Variants in RNF220 observed in about 807,000 individuals in gnomAD.
RNF220 encodes the protein E3 ubiquitin-protein ligase RNF220.
A neutral mutation model predicts 67.1 loss-of-function variants in RNF220; 7 were observed. The observed-to-expected ratio is 0.10, with a 90% confidence interval of 0.06 to 0.20. The LOEUF is 0.20. RNF220 is among the 10% of genes least tolerant of loss of function. The probability of loss-of-function intolerance (pLI) is 1.00; values close to 1 mark genes in which losing one functional copy is unlikely to be tolerated. For missense variants in RNF220, 565 were observed against 740.3 expected (o/e 0.76, Z 2.75); for synonymous variants, 270 against 283.2 (o/e 0.95, Z 0.47).
intron 2 of RNF220, among the ~76,000 whole-genome samples, chr1:44,438,861 C>T (rs922534085): frequency 2.6e-5 from 4 of 152,116 alleles, no homozygotes; most frequent in Non-Finnish European, 5.9e-5. Flanking sequence ...AGGGTCATAC[C>T]AAATGCTGAT....
intron 2 of RNF220, among the ~76,000 whole-genome samples, chr1:44,549,108 A>G (rs1165645552): frequency 6.6e-6 from 1 of 152,140 alleles, no homozygotes; most frequent in Non-Finnish European, 1.5e-5. Context: ...AATCACTTGA[A>G]CCCAGGAGAT....
At chr1:44,538,698 C>T (rs1661431930) in intron 2 of RNF220, among the ~76,000 whole-genome samples, 2 of 152,090 alleles carry the variant, frequency 1.3e-5, no homozygotes, top group Non-Finnish European at 2.9e-5. Flanking sequence ...GGTGGATCAC[C>T]TGAGGTCAGG....
intron 2 of RNF220, among the ~76,000 whole-genome samples, chr1:44,423,149 C>A (rs1479644141): frequency 6.6e-6 from 1 of 152,198 alleles, no homozygotes. Flanking sequence ...AGCATCTAAT[C>A]TTGTCTAAGA....
chr1:44,466,055 T>C (rs1654246143), intron 2 of RNF220, among the ~76,000 whole-genome samples: 1 of 152,214 alleles, frequency 6.6e-6, no homozygotes, highest in Non-Finnish European at 1.5e-5. Context: ...TTACTCACAG[T>C]AGAACTTCTT....
chr1:44,632,490 C>T (rs1644187337), intron 6 of RNF220, 105 bp downstream of exon 6: 1 of 1,033,216 alleles, frequency 9.7e-7, no homozygotes, highest in East Asian at 3.5e-5. Flanking sequence ...ACTCTGGGGC[C>T]CGTTGGCTTC....
chr1:44,413,603 G>A lies in RNF220; in HGVS notation c.625+881G>A, dbSNP rs374671063. ...AATTGTGTTTTGAAGCTTTTGGGCT[G>A]TGGGTAGACAGAGCAGTTTTCTTCA... On this transcript the variant is annotated intron_variant, in intron 2 of 14. Coordinates refer to ENST00000361799, the MANE Select transcript of RNF220 (RefSeq NM_018150.4). Among the ~76,000 whole-genome samples the A allele has an allele frequency of 1.3e-4, 20 of 152,346 alleles. No homozygotes were observed. In the South Asian group the frequency reaches 4.1e-3, roughly 32 times the overall value.
chr1:44,423,865 G>A (rs1336235469), intron 2 of RNF220: 1 of 985,314 alleles, frequency 1.0e-6, no homozygotes, highest in Admixed American at 6.2e-5. Context: ...GTAGTGCCAA[G>A]AGTATTGAAG....
chr1:44,645,097 G>A lies in RNF220; in HGVS notation c.1310+16G>A. On this transcript the variant is annotated intron_variant, in intron 10 of 14. Transcript: ENST00000361799. The surrounding 1 kb of genome is among the most constrained non-coding windows in gnomAD (Gnocchi z 5.0). The stretch of plus-strand genomic sequence containing the variant: ...CAGTCCTAAAGCAAGTGTGGGCACA[G>A]GCTTGGGCGGGTGGAGCAGAGAAAC... The A allele has an allele frequency of 6.2e-7, 1 of 1,614,000 alleles. No individual in the cohort carries two copies. Among genetic ancestry groups the A allele is most frequent in the African/African-American group, 1.3e-5 (1 of 75,034 alleles).
At chr1:44,592,192 G>C (rs1259209802) in intron 2 of RNF220, among the ~76,000 whole-genome samples, 2 of 152,262 alleles carry the variant, frequency 1.3e-5, no homozygotes, top group Non-Finnish European at 2.9e-5. Flanking sequence ...CCCAGCCTCA[G>C]TCGTGGTATA....
chr1:44,510,325 A>T (rs1378560590), intron 2 of RNF220, among the ~76,000 whole-genome samples: 1 of 151,516 alleles, frequency 6.6e-6, no homozygotes, highest in East Asian at 1.9e-4. Context: ...GGAAGGAAGG[A>T]AGGATATGAC....
Position 44,645,736 on chromosome 1 carries a change from T to C in RNF220, c.1445+248T>C, listed in dbSNP as rs949087824. Among the ~76,000 whole-genome samples the C allele has an allele frequency of 2.6e-5, 4 of 152,246 alleles. No individual in the cohort carries two copies. Among genetic ancestry groups the C allele is most frequent in the Non-Finnish European group, 5.9e-5 (4 of 68,030 alleles). Reference sequence around the variant, plus strand: ...CAGTCCACCCGCCTGCCTGCCTGCCTGCCCGCCTGCTGCGGCGGCCTTCGC... The same window carrying C: ...CAGTCCACCCGCCTGCCTGCCTGCCCGCCCGCCTGCTGCGGCGGCCTTCGC... On this transcript the variant is annotated intron_variant, in intron 12 of 14. Transcript: ENST00000361799. The surrounding 1 kb of genome is among the most constrained non-coding windows in gnomAD (Gnocchi z 5.0).
At chr1:44,462,490 T>G (rs924128614) in intron 2 of RNF220, among the ~76,000 whole-genome samples, 2 of 152,306 alleles carry the variant, frequency 1.3e-5, no homozygotes, top group African/African-American at 4.8e-5. Flanking sequence ...CATGAAATCT[T>G]ACAACTCCTA....
At chr1:44,538,906 A>G (rs1199412006) in intron 2 of RNF220, among the ~76,000 whole-genome samples, 2 of 127,904 alleles carry the variant, frequency 1.6e-5, no homozygotes, top group African/African-American at 6.4e-5. Context: ...ACAGAGTGAG[A>G]CTCCATCTAG....
intron 2 of RNF220, among the ~76,000 whole-genome samples, chr1:44,507,263 C>A (rs1572711723): frequency 6.6e-6 from 1 of 152,280 alleles, no homozygotes; most frequent in African/African-American, 2.4e-5. Context: ...TCTAGGGCTT[C>A]TCCTTGGCTA....
chr1:44,557,210 T>A (rs1254188421), intron 2 of RNF220, among the ~76,000 whole-genome samples: 1 of 147,430 alleles, frequency 6.8e-6, no homozygotes, highest in Admixed American at 6.8e-5. Context: ...TATATATATA[T>A]AAGCTTCTTG....
At chr1:44,436,290 A>G (rs1650960775) in intron 2 of RNF220, among the ~76,000 whole-genome samples, 1 of 152,090 alleles carries the variant, frequency 6.6e-6, no homozygotes, top group Non-Finnish European at 1.5e-5. Context: ...ATCTGGGAGG[A>G]CAGAGTGGAG....
chr1:44,432,475 T>C (rs1650494847), intron 2 of RNF220, among the ~76,000 whole-genome samples: 1 of 152,148 alleles, frequency 6.6e-6, no homozygotes, highest in Admixed American at 6.6e-5. Context: ...TTCACCATGT[T>C]GGTCAGCCTG....
At chr1:44,549,162 G>A (rs1662414051) in intron 2 of RNF220, among the ~76,000 whole-genome samples, 1 of 152,164 alleles carries the variant, frequency 6.6e-6, no homozygotes. Flanking sequence ...ACTCCAGCCT[G>A]GGCAACAGAG....
intron 5 of RNF220, among the ~76,000 whole-genome samples, chr1:44,631,405 G>A (rs1235064245): frequency 1.3e-5 from 2 of 152,216 alleles, no homozygotes; most frequent in Non-Finnish European, 2.9e-5. Flanking sequence ...ACTTTCTTCT[G>A]TGGGCACACC....
Sources: allele counts gnomAD v4.1 joint callset (sites outside exome capture counted in the v4.1 genomes callset), GRCh38; gene constraint gnomAD v4.1.1; non-coding constraint Gnocchi (gnomAD v3.1); transcripts MANE v1.5; gene names NCBI Gene and HGNC (gene_info 2026-07-23, HGNC 2026-07-21).